The following GALNT2 variants were observed in gnomAD, a reference collection of about 807,000 sequenced individuals.
GALNT2 encodes UDP-GalNAc:polypeptide N-acetylgalactosaminyltransferase 2.
GALNT2 carries 31 observed loss-of-function variants against 81.4 expected under a neutral mutation model. The observed-to-expected ratio is 0.38, with a 90% CI of 0.29 to 0.51. The LOEUF (loss-of-function observed/expected upper bound fraction) is 0.51, where lower values mean the gene tolerates loss of function less well. Ranked by LOEUF, GALNT2 falls within the 20% of genes least tolerant of loss-of-function variation. GALNT2 has a pLI of 0.87. For synonymous variants in GALNT2, 303 were observed against 287.4 expected (o/e 1.05, Z -0.55); for missense variants, 629 against 765.7 (o/e 0.82, Z 2.11).
rs75312954 is a variant in GALNT2 at position 230,265,000 on chromosome 1, G to A, written c.1314-241G>A. On this transcript the variant is annotated intron_variant, in intron 13 of 15. Coordinates refer to ENST00000366672, the MANE Select transcript of GALNT2 (RefSeq NM_004481.5). ...AAAAAAAAAAAAAAAAAAATGACCTGATATAGAATATAAAGAATACTTCTG... is the reference window on the plus strand; with the variant it reads ...AAAAAAAAAAAAAAAAAAATGACCTAATATAGAATATAAAGAATACTTCTG... 1,213 of 360,400 alleles carry A rather than the reference G, an allele frequency of 3.4e-3. 11 individuals carry two copies. The highest frequency in any genetic ancestry group is 0.023 in the African/African-American group (1,054 of 46,770). The allele number at this position is 360,400 out of a possible 1,614,324, so 22.3% of individuals were successfully genotyped here.
chr1:230,138,157 C>T lies in GALNT2; in HGVS notation c.127-40061C>T, dbSNP rs556702647. On this transcript the variant is annotated intron_variant, in intron 1 of 15. Coordinates refer to ENST00000366672, the MANE Select transcript of GALNT2 (RefSeq NM_004481.5). The stretch of plus-strand genomic sequence containing the variant: ...GGGTCCTCATCCAGACCCCAAAGGA[C>T]GGTTCTTGGATCTTGCACAAGAAAG... Among the ~76,000 whole-genome samples, 45 of 152,280 alleles carry T rather than the reference C, an allele frequency of 3.0e-4. 1 individual carries two copies. The East Asian group carries it at 4.4e-3, about 15-fold the overall frequency.
intron 1 of GALNT2, among the ~76,000 whole-genome samples, chr1:230,127,034 CT>C (rs774001303): frequency 5.9e-5 from 9 of 152,264 alleles, no homozygotes; most frequent in South Asian, 2.1e-4. Context: ...CGTCTCCCCT[CT>C]TTTTTGGATA....
chr1:230,211,549 C>T (rs1664234730), intron 3 of GALNT2, among the ~76,000 whole-genome samples: 1 of 152,102 alleles, frequency 6.6e-6, no homozygotes, highest in South Asian at 2.1e-4. Context: ...AATTTCAGCT[C>T]TTTGAGAGGC....
rs540485809 is a variant in GALNT2, at chr1:230,160,586, C to T, written c.127-17632C>T. Among the ~76,000 whole-genome samples the T allele has an allele frequency of 6.4e-4, 97 of 152,104 alleles. 1 individual carries two copies. Among genetic ancestry groups the T allele is most frequent in the Admixed American group, 1.3e-3 (20 of 15,288 alleles). On this transcript the variant is annotated intron_variant, in intron 1 of 15. Coordinates refer to ENST00000366672, the MANE Select transcript of GALNT2 (RefSeq NM_004481.5). The stretch of plus-strand genomic sequence containing the variant: ...AAAATTAGCCGGTCGTGGTAGTGGG[C>T]GCCTGTAATCCCAGCTACTCAGGAA...
intron 1 of GALNT2, among the ~76,000 whole-genome samples, chr1:230,112,891 T>C (rs1330786530): frequency 1.3e-5 from 2 of 152,132 alleles, no homozygotes; most frequent in East Asian, 3.9e-4. Context: ...TCCAGTAAAA[T>C]AGAGTGTCTC....
chr1:230,274,314 G>C, intron 14 of GALNT2, 131 bp from the exon 15 acceptor site: 1 of 1,239,798 alleles, frequency 8.1e-7, no homozygotes, highest in Non-Finnish European at 1.1e-6. Context: ...TTCGTTCTCA[G>C]TTGGCTCAGG....
At position 230,226,228 on chromosome 1, in the gene GALNT2, T is replaced by G. The variant is rs893321872; in HGVS notation, c.375-9786T>G. On this transcript the variant is annotated intron_variant, in intron 3 of 15. Transcript: ENST00000366672. ...TGGTCAGTGAAACAACAGACCTTCC[T>G]GCCCTTTTCTTTCCCTTGAAATGGG... Among the ~76,000 whole-genome samples, 6 of 152,230 alleles carry G rather than the reference T, an allele frequency of 3.9e-5. No individual in the cohort carries two copies. In the East Asian group the frequency reaches 9.6e-4, roughly 24 times the overall value.
intron 2 of GALNT2, among the ~76,000 whole-genome samples, chr1:230,179,133 G>A (rs1393141324): frequency 6.6e-6 from 1 of 151,152 alleles, no homozygotes; most frequent in East Asian, 1.9e-4. Flanking sequence ...TCTTTTCATG[G>A]CTGGATAGCT....
At chr1:230,252,612 G>A (rs1665582345) in intron 10 of GALNT2, among the ~76,000 whole-genome samples, 2 of 152,082 alleles carry the variant, frequency 1.3e-5, no homozygotes, top group African/African-American at 2.4e-5. Context: ...AAGCCATTGA[G>A]TTTTACTGAG....
At chr1:230,240,427 A>AT (rs1665164693) in intron 6 of GALNT2, among the ~76,000 whole-genome samples, 2 of 152,214 alleles carry the variant, frequency 1.3e-5, no homozygotes, top group Non-Finnish European at 2.9e-5. Context: ...CCCCGTCTTT[A>AT]CTAAAAATAC....
chr1:230,156,609 A>G (rs1205765607), intron 1 of GALNT2, among the ~76,000 whole-genome samples: 1 of 152,114 alleles, frequency 6.6e-6, no homozygotes, highest in Non-Finnish European at 1.5e-5. Flanking sequence ...TTTGGCCCTT[A>G]AACTATCACA....
At chr1:230,172,993 G>T (rs541700966) in intron 1 of GALNT2, among the ~76,000 whole-genome samples, 1 of 152,254 alleles carries the variant, frequency 6.6e-6, no homozygotes, top group African/African-American at 2.4e-5. Context: ...CATGGCCCTG[G>T]TTTAATTCCA....
chr1:230,200,722 C>T (rs113700400), intron 2 of GALNT2, among the ~76,000 whole-genome samples: 3 of 152,372 alleles, frequency 2.0e-5, no homozygotes, highest in African/African-American at 7.2e-5. Context: ...AGTCCTCAGA[C>T]TTTGCTGTCC....
chr1:230,076,878 GGC>G (rs1196202596), intron 1 of GALNT2, among the ~76,000 whole-genome samples: 4 of 152,116 alleles, frequency 2.6e-5, no homozygotes, highest in African/African-American at 9.7e-5. Context: ...ATTCAAGAGT[GGC>G]CATCAAGGTT....
At chr1:230,143,834 G>A (rs1218744971) in intron 1 of GALNT2, among the ~76,000 whole-genome samples, 4 of 152,180 alleles carry the variant, frequency 2.6e-5, no homozygotes, top group East Asian at 1.9e-4. Context: ...CCTGCTCAGC[G>A]ATCACCAGCT....
chr1:230,073,123 C>T (rs184574526), intron 1 of GALNT2, among the ~76,000 whole-genome samples: 2 of 152,278 alleles, frequency 1.3e-5, no homozygotes, highest in Non-Finnish European at 2.9e-5. Flanking sequence ...TAGGCTGGGC[C>T]TGGCGGGGAA....
intron 1 of GALNT2, among the ~76,000 whole-genome samples, chr1:230,170,955 A>G (rs569200052): frequency 2.6e-5 from 4 of 152,348 alleles, no homozygotes; most frequent in African/African-American, 9.6e-5. Context: ...ACAGCTATCC[A>G]GATGAAATCA....
chr1:230,111,080 A>G (rs1257171439), intron 1 of GALNT2, among the ~76,000 whole-genome samples: 1 of 152,216 alleles, frequency 6.6e-6, no homozygotes, highest in Non-Finnish European at 1.5e-5. Context: ...ATATGTACAC[A>G]CTGCATGTGT....
intron 1 of GALNT2, among the ~76,000 whole-genome samples, chr1:230,177,347 A>G (rs1177744472): frequency 1.3e-5 from 2 of 152,248 alleles, no homozygotes; most frequent in East Asian, 3.9e-4. Flanking sequence ...TATCCGCCTA[A>G]TCGCATCTGC....
Sources: gnomAD v4.1 joint callset for allele counts (sites outside exome capture counted in the v4.1 genomes callset) on GRCh38, gnomAD v4.1.1 for gene constraint, MANE v1.5 for transcripts, NCBI Gene and HGNC (gene_info 2026-07-23, HGNC 2026-07-21) for gene names.